DUOX2: variants seen among roughly 807,000 people sequenced by gnomAD.
The protein encoded by DUOX2 is NADH/NADPH thyroid oxidase p138-tox.
In DUOX2, 185 loss-of-function variants were observed where a neutral mutation model predicts 183.3. The observed-to-expected ratio is 1.01, with a 90% CI of 0.90 to 1.14. The LOEUF (loss-of-function observed/expected upper bound fraction) is 1.14, where lower values mean the gene tolerates loss of function less well. Among genes scored for constraint, DUOX2 ranks in the 50% most tolerant of loss-of-function variants. The pLI is 0.00. For synonymous variants in DUOX2, 788 were observed against 812.4 expected, an observed-to-expected ratio of 0.97 and a Z score of 0.51; for missense variants, 1,999 against 2,022.9, an observed-to-expected ratio of 0.99 and a Z score of 0.23.
chr15:45,103,660 A>C (rs1171061322), intron 20 of DUOX2, among the ~76,000 whole-genome samples: 2 of 152,094 alleles, frequency 1.3e-5, no homozygotes, highest in African/African-American at 4.8e-5. Flanking sequence ...AGGGCATCCA[A>C]AAGGGATTAG....
rs1566972607 is a variant in DUOX2 at position 45,099,496 on chromosome 15, A to ACC, written c.3416-16_3416-15dup. 1.2e-6 allele frequency: 2 copies of ACC among 1,612,680 alleles called. No homozygotes were observed. The highest frequency in any genetic ancestry group is 8.5e-7 in the Non-Finnish European group (1 of 1,179,288). On this transcript the variant is annotated splice_polypyrimidine_tract_variant and intron_variant, in intron 25 of 33. Coordinates refer to ENST00000389039, the MANE Select transcript of DUOX2 (RefSeq NM_001363711.2). ...CACTGTGCAAAACTGGAAGAGACAG[A>ACC]CCCTGTTAGAGATGCCAACCAGGAC... is the stretch of plus-strand genomic sequence containing the variant.
intron 26 of DUOX2, among the ~76,000 whole-genome samples, chr15:45,098,502 G>A (rs1331006035): frequency 6.6e-6 from 1 of 152,222 alleles, no homozygotes; most frequent in Non-Finnish European, 1.5e-5. Context: ...TGTCTGTCCA[G>A]TGAATGGATA....
In DUOX2 at chr15:45,097,870, C is replaced by A; in HGVS notation, c.3566-129G>T. ...CTCCGGGGCCCCCAGAAAAGCCTGC[C>A]TGGAGGGATTTGAGCTGGGGCTTGT... On this transcript the variant is annotated intron_variant, in intron 27 of 33. Coordinates refer to ENST00000389039, the MANE Select transcript of DUOX2 (RefSeq NM_001363711.2). 6 of 1,565,858 alleles carry A rather than the reference C, an allele frequency of 3.8e-6. No individual in the cohort carries two copies. The South Asian group carries it at 6.7e-5, about 17-fold the overall frequency.
At chr15:45,107,526 G>C in intron 13 of DUOX2, 63 bp from the exon 14 acceptor site, 1 of 1,548,628 alleles carries the variant, frequency 6.5e-7, no homozygotes, top group South Asian at 1.1e-5. Context: ...AGCAACCCCA[G>C]GCCCAAGGAC....
In DUOX2 at chr15:45,107,368, G is replaced by A; in HGVS notation, c.1670C>T (p.Pro557Leu). 1 of 1,614,236 alleles carries A rather than the reference G, an allele frequency of 6.2e-7. No individual in the cohort carries two copies. Among genetic ancestry groups the A allele is most frequent in the Non-Finnish European group, 8.5e-7 (1 of 1,180,044 alleles). The change falls in exon 14 of 34, where the codon CCC (proline) becomes CTC (leucine). Residue 557 changes from proline to leucine, a missense_variant. Transcript: ENST00000389039. ...ACCTTTATGCCAGACAAAGACATTG[G>A]GCTGCAGGGCACTGGGGTCAATGTT... ...VINIDPSALQ[P>L]NVFVWHKGAP...
At position 45,093,563 on chromosome 15, in the gene DUOX2, T is replaced by C. The variant is rs1394001576; in HGVS notation, c.*587A>G. On this transcript the variant is annotated 3_prime_UTR_variant, in exon 34 of 34. Coordinates refer to ENST00000389039, the MANE Select transcript of DUOX2 (RefSeq NM_001363711.2). ...GGAGACAGAGTTGAGGCAGTCGGGC[T>C]GTCCAGGTTCTAAGCATCACAGCTT... 3 of 155,648 alleles carry C rather than the reference T, an allele frequency of 1.9e-5. No homozygotes were observed. Among genetic ancestry groups the C allele is most frequent in the Non-Finnish European group, 2.9e-5 (2 of 70,152 alleles). The allele number at this position is 155,648 out of a possible 1,614,324, so 9.6% of individuals were successfully genotyped here.
Position 45,108,163 on chromosome 15 carries a change from A to G in DUOX2, c.1458T>C (p.Leu486=). The G allele has an allele frequency of 6.2e-7, 1 of 1,614,150 alleles. No homozygotes were observed. The highest frequency in any genetic ancestry group is 8.5e-7 in the Non-Finnish European group (1 of 1,180,000). ...CCCCATGGCTCTCCAGGAGCCCCCC[A>G]AGGAGCAGCTCTAGCTGGGATAGGT... ...NQDLSQLELL[L]GGLLESHGDP... The change falls in exon 13 of 34, where the codon CTT becomes CTC. Residue 486 remains leucine (L), a synonymous_variant. Coordinates refer to ENST00000389039, the MANE Select transcript of DUOX2 (RefSeq NM_001363711.2).
intron 2 of DUOX2, 97 bp from the exon 3 acceptor site, chr15:45,113,173 GCCC>G: frequency 6.8e-7 from 1 of 1,468,920 alleles, no homozygotes; most frequent in Non-Finnish European, 9.3e-7. Flanking sequence ...CTCGCGGAGC[GCCC>G]CTAACCGGAC....
At chr15:45,097,955 T>C in intron 27 of DUOX2, 54 bp downstream of exon 27, 1 of 1,584,922 alleles carries the variant, frequency 6.3e-7, no homozygotes, top group Middle Eastern at 1.7e-4. Flanking sequence ...CACAGAGAGA[T>C]GGAGACAAAA....
chr15:45,100,194 C>T lies in DUOX2; in HGVS notation c.3040G>A (p.Ala1014Thr). Residue 1014 changes from alanine (A) to threonine (T), a missense_variant, in exon 24 of 34, where the codon GCG becomes ACG. By Grantham distance (58) the Ala-to-Thr change is moderately conservative (BLOSUM62 0). Transcript: ENST00000389039. ...CCTCGCTGCATCTTCTCTTGCAGCGCCTCTGTGTACAGCCGGGGAGTGGGC... is the reference window on the plus strand; with the variant it reads ...CCTCGCTGCATCTTCTCTTGCAGCGTCTCTGTGTACAGCCGGGGAGTGGGC... ...AVPTPRLYTE[A>T]LQEKMQRGFL... 1.2e-6 allele frequency: 2 copies of T among 1,614,080 alleles called. No individual in the cohort carries two copies. The highest frequency in any genetic ancestry group is 1.7e-6 in the Non-Finnish European group (2 of 1,180,014).
intron 26 of DUOX2, 139 bp from the exon 27 acceptor site, chr15:45,098,197 C>T: frequency 2.6e-6 from 2 of 782,196 alleles, no homozygotes; most frequent in South Asian, 3.2e-5. Context: ...GGGATCCCTC[C>T]AAGGAACTTG....
chr15:45,111,315 G>A, intron 6 of DUOX2, 38 bp from the exon 7 acceptor site: 3 of 1,385,110 alleles, frequency 2.2e-6, no homozygotes, highest in Non-Finnish European at 2.8e-6. Flanking sequence ...GGAGACGAGC[G>A]GTAGCGTGAT....
At chr15:45,103,921 C>T (rs1206421174) in intron 20 of DUOX2, 39 bp downstream of exon 20, 3 of 1,606,688 alleles carry the variant, frequency 1.9e-6, no homozygotes, top group South Asian at 2.2e-5. Context: ...GTTTGAAACA[C>T]ACCAGGAAGT....
In DUOX2 at chr15:45,106,118, G is replaced by T. The variant is rs746660875; in HGVS notation, c.2148+7C>A. The T allele has an allele frequency of 6.2e-7, 1 of 1,614,128 alleles. No homozygotes were observed. The highest frequency in any genetic ancestry group is 2.2e-5 in the East Asian group (1 of 44,876). Reference sequence around the variant, plus strand: ...AGCCCAGGCTGGGGAGGCAGGACGAGCCATACCAGGTCATACTCCTTAGGG... The same window carrying T: ...AGCCCAGGCTGGGGAGGCAGGACGATCCATACCAGGTCATACTCCTTAGGG... On this transcript the variant is annotated splice_region_variant and intron_variant, in intron 17 of 33. Transcript: ENST00000389039.
intron 17 of DUOX2, 128 bp from the exon 18 acceptor site, chr15:45,105,956 G>T: frequency 1.6e-5 from 23 of 1,407,668 alleles, no homozygotes; most frequent in Non-Finnish European, 2.1e-5. Context: ...CTGGGGCCAG[G>T]TGTGTGGACG....
At position 45,108,846 on chromosome 15, in the gene DUOX2, G is replaced by A. The variant is rs2098431324; in HGVS notation, c.1341C>T (p.Ala447=). Reference sequence around the variant, plus strand: ...AGTTCCTTGGGATGTCCAGCCCAAAGGCCAGCAGGGCCTGGCTATAGCTGG... The same window carrying A: ...AGTTCCTTGGGATGTCCAGCCCAAAAGCCAGCAGGGCCTGGCTATAGCTGG... ...GLPSYSQALL[A]FGLDIPRNWS... is the part of the protein sequence containing the mutation. Residue 447 remains alanine, a synonymous_variant, in exon 12 of 34, where the codon GCC becomes GCT. Coordinates refer to ENST00000389039, the MANE Select transcript of DUOX2 (RefSeq NM_001363711.2). 1 of 1,614,246 alleles carries A rather than the reference G, an allele frequency of 6.2e-7. No homozygotes were observed.
chr15:45,110,603 C>T, intron 8 of DUOX2, 47 bp downstream of exon 8: 2 of 1,613,736 alleles, frequency 1.2e-6, no homozygotes, highest in Non-Finnish European at 1.7e-6. Context: ...CTGTCTCCTT[C>T]CCCTCAGGAT....
intron 20 of DUOX2, 77 bp from the exon 21 acceptor site, chr15:45,102,066 C>T (rs1894098395): frequency 6.5e-7 from 1 of 1,549,970 alleles, no homozygotes; most frequent in African/African-American, 1.4e-5. Context: ...GGGGCAGGCC[C>T]CAGATTATCT....
intron 20 of DUOX2, among the ~76,000 whole-genome samples, chr15:45,103,206 T>C (rs1894124750): frequency 6.6e-6 from 1 of 152,230 alleles, no homozygotes; most frequent in Non-Finnish European, 1.5e-5. Context: ...AAAGCAATGT[T>C]AAGGCTTAAC....
Sources: allele counts gnomAD v4.1 joint callset (sites outside exome capture counted in the v4.1 genomes callset), GRCh38; gene constraint gnomAD v4.1.1; transcripts MANE v1.5; gene names NCBI Gene and HGNC (gene_info 2026-07-23, HGNC 2026-07-21).